The following CUBN variants were observed in gnomAD, a reference collection of about 807,000 sequenced individuals.
The protein encoded by CUBN is 460 kDa receptor.
CUBN carries 282 observed loss-of-function variants against 405.3 expected under a neutral mutation model. That is an observed-to-expected ratio of 0.70 (90% CI 0.63 to 0.77). CUBN has a LOEUF of 0.77. Ranked by LOEUF, CUBN falls within the 30% of genes least tolerant of loss-of-function variation. CUBN has a pLI of 0.00. For synonymous variants in CUBN, 1,684 were observed against 1,617.0 expected (o/e 1.04, Z -0.99); for missense variants, 4,514 against 4,475.2 (o/e 1.01, Z -0.25).
At chr10:16,929,027 G>C (rs1343129829) in intron 40 of CUBN, among the ~76,000 whole-genome samples, 1 of 151,422 alleles carries the variant, frequency 6.6e-6, no homozygotes, top group Non-Finnish European at 1.5e-5. Flanking sequence ...TTGGCTCTTT[G>C]ACCTCAGATC....
At chr10:16,937,532 T>C (rs1252729221) in intron 39 of CUBN, 60 bp downstream of exon 39, 2 of 1,444,818 alleles carry the variant, frequency 1.4e-6, no homozygotes, top group East Asian at 2.3e-5. Flanking sequence ...ATAGGATCCT[T>C]TGAAACATTG....
chr10:16,897,514 C>A (rs575056608), intron 54 of CUBN, among the ~76,000 whole-genome samples: 19 of 152,228 alleles, frequency 1.2e-4, no homozygotes, highest in African/African-American at 4.1e-4. Context: ...CCAATACCCC[C>A]GGGTACCTCA....
chr10:17,068,747 A>G lies in CUBN; in HGVS notation c.2649T>C (p.Gly883=), dbSNP rs766369551. Residue 883 remains glycine (G), a synonymous_variant, in exon 20 of 67, where the codon GGT becomes GGC. Coordinates refer to ENST00000377833, the MANE Select transcript of CUBN (RefSeq NM_001081.4). The part of the protein sequence containing the change: ...YVEIGSSSIL[G]SPENKKYCGT... ...CGCAATACTTTTTATTTTCAGGAGA[A>G]CCCAAAATGGAACTGCTACCAATCT... The G allele has an allele frequency of 1.2e-6, 2 of 1,612,310 alleles. No homozygotes were observed. Among genetic ancestry groups the G allele is most frequent in the Non-Finnish European group, 1.7e-6 (2 of 1,178,558 alleles).
intron 26 of CUBN, among the ~76,000 whole-genome samples, chr10:17,041,804 C>T (rs567495046): frequency 4.6e-5 from 7 of 151,726 alleles, no homozygotes; most frequent in Middle Eastern, 3.4e-3. Context: ...AAGTACCAAG[C>T]GAATAGATAG....
At chr10:16,956,908 G>A (rs1402981434) in intron 31 of CUBN, among the ~76,000 whole-genome samples, 1 of 151,638 alleles carries the variant, frequency 6.6e-6, no homozygotes, top group Admixed American at 6.6e-5. Context: ...CATAATAATT[G>A]AACACATGTA....
intron 28 of CUBN, among the ~76,000 whole-genome samples, chr10:16,998,075 G>A (rs1219409417): frequency 1.3e-5 from 2 of 152,080 alleles, no homozygotes; most frequent in African/African-American, 2.4e-5. Context: ...GAAAAAAGAA[G>A]GAAGAAAGAA....
intron 48 of CUBN, among the ~76,000 whole-genome samples, chr10:16,908,281 G>T (rs963350378): frequency 1.3e-5 from 2 of 152,042 alleles, no homozygotes; most frequent in Non-Finnish European, 1.5e-5. Flanking sequence ...AAGCAGCTGA[G>T]ATTATAGGCA....
At chr10:17,033,720 T>C (rs553226699) in intron 27 of CUBN, among the ~76,000 whole-genome samples, 1 of 152,368 alleles carries the variant, frequency 6.6e-6, no homozygotes, top group African/African-American at 2.4e-5. Context: ...TCCTTTGGTT[T>C]CATGAACTAC....
chr10:17,095,497 G>T (rs1284240950), intron 14 of CUBN, among the ~76,000 whole-genome samples: 1 of 152,028 alleles, frequency 6.6e-6, no homozygotes, highest in African/African-American at 2.4e-5. Context: ...ACAAATATAT[G>T]AGAAAATGCT....
In CUBN at chr10:16,963,196, C is replaced by CTTTTTTTTTTTT. The variant is rs200023246; in HGVS notation, c.4696-8660_4696-8649dup. Among the ~76,000 whole-genome samples, 5 of 83,972 alleles carry CTTTTTTTTTTTT rather than the reference C, an allele frequency of 6.0e-5. 1 individual carries two copies. Among genetic ancestry groups the CTTTTTTTTTTTT allele is most frequent in the African/African-American group, 1.2e-4 (3 of 24,526 alleles). The allele number at this position is 83,972 out of a possible 152,430, so 55.1% of individuals were successfully genotyped here. A position where few individuals can be genotyped will look rare whatever the true frequency, so the allele number is the denominator to read the frequency against. Reference sequence around the variant, plus strand: ...TTTTTTCTTTTCTTTTCTTTTTTTTCTTTTTTTTTTTTTTTTGAGACAGAG... The same window carrying CTTTTTTTTTTTT: ...TTTTTTCTTTTCTTTTCTTTTTTTTCTTTTTTTTTTTTTTTTTTTTTTTTTTTTGAGACAGAG... On this transcript the variant is annotated intron_variant, in intron 31 of 66. Transcript: ENST00000377833.
intron 40 of CUBN, among the ~76,000 whole-genome samples, chr10:16,932,856 C>G (rs560046644): frequency 7.9e-5 from 12 of 152,264 alleles, no homozygotes; most frequent in African/African-American, 2.4e-4. Context: ...TCTAAAAAAG[C>G]CTTTTTTCCT....
chr10:17,082,128 A>T (rs1157198484), intron 17 of CUBN, among the ~76,000 whole-genome samples: 1 of 152,014 alleles, frequency 6.6e-6, no homozygotes, highest in African/African-American at 2.4e-5. Flanking sequence ...TTCCAGAAAA[A>T]CCTTGCATTT....
intron 17 of CUBN, among the ~76,000 whole-genome samples, chr10:17,081,713 G>C (rs1447463464): frequency 6.6e-6 from 1 of 152,124 alleles, no homozygotes; most frequent in African/African-American, 2.4e-5. Context: ...TTAAAGACAA[G>C]AGCTTTAACC....
chr10:16,900,188 T>C lies in CUBN; in HGVS notation c.8410+437A>G, dbSNP rs550030467. 3.9e-4 allele frequency among the ~76,000 whole-genome samples: 59 copies of C among 152,354 alleles called. 6 individuals are homozygous for C. In the South Asian group the frequency reaches 7.3e-3, roughly 19 times the overall value. On this transcript the variant is annotated intron_variant, in intron 53 of 66. Transcript: ENST00000377833. ...CAAGGCTCTTTATGTTGTGGACTTA[T>C]TTTCCTGCCCTCAGCTCACCACTCA...
chr10:16,907,152 C>T (rs1228176313), intron 49 of CUBN, among the ~76,000 whole-genome samples: 1 of 152,190 alleles, frequency 6.6e-6, no homozygotes, highest in East Asian at 1.9e-4. Flanking sequence ...ATTAATTACT[C>T]TCTGAGACTA....
At chr10:16,877,937 T>C (rs1840559630) in intron 56 of CUBN, among the ~76,000 whole-genome samples, 1 of 152,236 alleles carries the variant, frequency 6.6e-6, no homozygotes, top group South Asian at 2.1e-4. Context: ...ACCTAATTTG[T>C]ATCAATATGA....
At chr10:16,953,660 A>T (rs1419280723) in intron 32 of CUBN, among the ~76,000 whole-genome samples, 1 of 152,042 alleles carries the variant, frequency 6.6e-6, no homozygotes, top group Non-Finnish European at 1.5e-5. Flanking sequence ...GTTTGAGACC[A>T]GCCCGGGCAA....
intron 31 of CUBN, among the ~76,000 whole-genome samples, chr10:16,976,732 T>C (rs1375940060): frequency 1.3e-5 from 2 of 152,288 alleles, no homozygotes; most frequent in East Asian, 1.9e-4. Flanking sequence ...CTCTCTTATA[T>C]ATTTTTCATC....
At chr10:17,018,134 C>T (rs1834388833) in intron 28 of CUBN, among the ~76,000 whole-genome samples, 1 of 152,184 alleles carries the variant, frequency 6.6e-6, no homozygotes, top group Non-Finnish European at 1.5e-5. Flanking sequence ...CCCAGAAAGC[C>T]TGACACCCGT....
Sources: gnomAD v4.1 joint callset for allele counts (sites outside exome capture counted in the v4.1 genomes callset) on GRCh38, gnomAD v4.1.1 for gene constraint, MANE v1.5 for transcripts, NCBI Gene and HGNC (gene_info 2026-07-23, HGNC 2026-07-21) for gene names.